The following PCDHA13 variants were observed in gnomAD, a reference collection of about 807,000 sequenced individuals.
PCDHA13 encodes the protein protocadherin alpha-13.
In PCDHA13, 54 loss-of-function variants were observed where a neutral mutation model predicts 64.8. The ratio of observed to expected loss-of-function variants is 0.83; its 90% CI spans 0.67 to 1.04. PCDHA13 has a LOEUF of 1.04. PCDHA13 is among the 50% of genes least tolerant of loss of function. The pLI is 0.00. For synonymous variants in PCDHA13, 587 were observed against 564.4 expected (o/e 1.04, Z -0.57); for missense variants, 1,248 against 1,254.3 (o/e 0.99, Z 0.08).
chr5:140,962,127 G>A (rs1198076557), intron 1 of PCDHA13, among the ~76,000 whole-genome samples: 1 of 151,934 alleles, frequency 6.6e-6, no homozygotes, highest in East Asian at 1.9e-4. Flanking sequence ...CCTTGGCCTC[G>A]GCCTCCCAAA....
At chr5:140,937,174 A>G (rs1449263512) in intron 1 of PCDHA13, among the ~76,000 whole-genome samples, 1 of 151,302 alleles carries the variant, frequency 6.6e-6, no homozygotes, top group Non-Finnish European at 1.5e-5. Flanking sequence ...AGTAGCTGGG[A>G]CTACAGGCGC....
chr5:140,938,734 AT>A (rs1207782725), intron 1 of PCDHA13, among the ~76,000 whole-genome samples: 1 of 152,136 alleles, frequency 6.6e-6, no homozygotes, highest in Admixed American at 6.5e-5. Flanking sequence ...ACAGAAAAAA[AT>A]AATTATTTTT....
Position 140,969,579 on chromosome 5 carries a change from G to A in PCDHA13, c.2395-9370G>A, listed in dbSNP as rs373969836. Reference sequence around the variant, plus strand: ...TCCATAAAATTGTTTGAGAAGTGAGGATTAGTCTTAATATTTAATGCTAAA... The same window carrying A: ...TCCATAAAATTGTTTGAGAAGTGAGAATTAGTCTTAATATTTAATGCTAAA... On this transcript the variant is annotated intron_variant, in intron 1 of 3. Coordinates refer to ENST00000289272, the MANE Select transcript of PCDHA13 (RefSeq NM_018904.3). 1,666 of 951,704 alleles carry A rather than the reference G, an allele frequency of 1.8e-3. 9 individuals carry two copies. The Middle Eastern group carries it at 0.019, about 11-fold the overall frequency. 59.0% of individuals were successfully genotyped at this position (951,704 alleles called of 1,614,324 possible). A position where few individuals can be genotyped will look rare whatever the true frequency, so the allele number is the denominator to read the frequency against.
intron 1 of PCDHA13, among the ~76,000 whole-genome samples, chr5:140,948,015 C>CCTTTT (rs71276332): frequency 0.56 from 84,575 of 150,344 alleles, 24,313 homozygotes; most frequent in African/African-American, 0.69. Context: ...TAGGAAGTAC[C>CCTTTT]CTTTCTGGTT....
At chr5:140,896,823 T>C (rs1248229696) in intron 1 of PCDHA13, among the ~76,000 whole-genome samples, 1 of 152,230 alleles carries the variant, frequency 6.6e-6, no homozygotes, top group Non-Finnish European at 1.5e-5. Context: ...ACTCTGTTCA[T>C]AGTTGTTTTT....
intron 3 of PCDHA13, among the ~76,000 whole-genome samples, chr5:140,988,690 C>T (rs1286168942): frequency 2.6e-5 from 4 of 152,148 alleles, no homozygotes; most frequent in South Asian, 2.1e-4. Flanking sequence ...TTTCCCTAGA[C>T]GCTCTGTATT....
At chr5:140,968,141 A>G in intron 1 of PCDHA13, 1 of 1,614,110 alleles carries the variant, frequency 6.2e-7, no homozygotes, top group Non-Finnish European at 8.5e-7. Context: ...GAAGGTTGAG[A>G]TCTCTGACAT....
intron 1 of PCDHA13, among the ~76,000 whole-genome samples, chr5:140,913,412 T>G (rs2076324998): frequency 6.6e-6 from 1 of 152,222 alleles, no homozygotes; most frequent in African/African-American, 2.4e-5. Context: ...TTTGAATTCC[T>G]GCAGTATCAG....
At chr5:140,965,607 T>C (rs2095916367) in intron 1 of PCDHA13, among the ~76,000 whole-genome samples, 1 of 152,088 alleles carries the variant, frequency 6.6e-6, no homozygotes, top group Non-Finnish European at 1.5e-5. Flanking sequence ...CTTGAAGACA[T>C]TGTCATCCAT....
At chr5:140,930,184 G>A (rs2153603505) in intron 1 of PCDHA13, 1 of 152,258 alleles carries the variant, frequency 6.6e-6, no homozygotes, top group South Asian at 2.1e-4. Context: ...GGAAAGATGA[G>A]TAATTTTTAT....
chr5:140,992,369 A>G (rs1554252849), intron 3 of PCDHA13, among the ~76,000 whole-genome samples: 1 of 152,188 alleles, frequency 6.6e-6, no homozygotes, highest in Non-Finnish European at 1.5e-5. Context: ...AATGGTTCCC[A>G]TTACATTATT....
Position 140,882,382 on chromosome 5 carries a change from A to G in PCDHA13, c.114A>G (p.Glu38=), listed in dbSNP as rs782774831. 5 of 1,614,092 alleles carry G rather than the reference A, an allele frequency of 3.1e-6. No homozygotes were observed. The highest frequency in any genetic ancestry group is 4.2e-6 in the Non-Finnish European group (5 of 1,180,050). ...AGCTCCACTACTCCGTCCCCGAGGA[A>G]GCAAAACACGGCACCTTCGTGGGCC... The part of the protein sequence containing the change: ...SGQLHYSVPE[E]AKHGTFVGRI... Residue 38 remains glutamate (E), a synonymous_variant, in exon 1 of 4, where the codon GAA becomes GAG. Transcript: ENST00000289272.
rs1582611912 is a variant in PCDHA13 at position 140,882,364 on chromosome 5, C to G, written c.96C>G (p.His32Gln). Residue 32 changes from histidine to glutamine, a missense_variant, in exon 1 of 4, where the codon CAC (histidine) becomes CAG (glutamine). Physicochemically the swap from His to Gln is conservative, Grantham distance 24. Transcript: ENST00000289272. ...GGGAGACGGGTAGTGGCCAGCTCCA[C>G]TACTCCGTCCCCGAGGAAGCAAAAC... is the stretch of plus-strand genomic sequence containing the variant. ...AAWETGSGQL[H>Q]YSVPEEAKHG... 13 of 1,614,244 alleles carry G rather than the reference C, an allele frequency of 8.1e-6. No homozygotes were observed. Among genetic ancestry groups the G allele is most frequent in the Non-Finnish European group, 1.1e-5 (13 of 1,180,060 alleles).
intron 1 of PCDHA13, among the ~76,000 whole-genome samples, chr5:140,901,194 T>A (rs562699930): frequency 2.7e-4 from 41 of 152,236 alleles, no homozygotes; most frequent in Non-Finnish European, 5.1e-4. Flanking sequence ...TGCTTTTCTG[T>A]GCAGAAGGTT....
At chr5:140,906,914 GC>G (rs2073038837) in intron 1 of PCDHA13, among the ~76,000 whole-genome samples, 1 of 152,182 alleles carries the variant, frequency 6.6e-6, no homozygotes, top group Admixed American at 6.5e-5. Context: ...GGTAGGAGGA[GC>G]CCAAAAAGTG....
At chr5:140,895,875 G>A (rs1277056649) in intron 1 of PCDHA13, among the ~76,000 whole-genome samples, 5 of 152,060 alleles carry the variant, frequency 3.3e-5, no homozygotes, top group African/African-American at 7.2e-5. Context: ...GCAATGGCGC[G>A]ATCTCGGCTC....
At position 141,009,806 on chromosome 5, in the gene PCDHA13, A is replaced by G. The variant is rs781853535; in HGVS notation, c.2722A>G (p.Ile908Val). 18 of 1,614,018 alleles carry G rather than the reference A, an allele frequency of 1.1e-5. No individual in the cohort carries two copies. Among genetic ancestry groups the G allele is most frequent in the Non-Finnish European group, 1.5e-5 (18 of 1,180,028 alleles). ...SIRQEPTNSQ[I>V]DKSDFITFGK... is the part of the protein sequence containing the mutation. ...CCGGCAGGAGCCTACTAACAGCCAA[A>G]TTGACAAAAGTGACTTCATAACCTT... The change falls in exon 4 of 4, where the codon ATT becomes GTT. Residue 908 changes from isoleucine (I) to valine (V), a missense_variant. Physicochemically the swap from Ile to Val is conservative, Grantham distance 29 (BLOSUM62 3). Coordinates refer to ENST00000289272, the MANE Select transcript of PCDHA13 (RefSeq NM_018904.3).
At chr5:140,957,398 T>A (rs1162675184) in intron 1 of PCDHA13, among the ~76,000 whole-genome samples, 1 of 152,186 alleles carries the variant, frequency 6.6e-6, no homozygotes, top group Non-Finnish European at 1.5e-5. Flanking sequence ...ATTGTCCTAA[T>A]TTATTATTAT....
At chr5:140,938,125 A>G (rs1339364898) in intron 1 of PCDHA13, among the ~76,000 whole-genome samples, 1 of 152,120 alleles carries the variant, frequency 6.6e-6, no homozygotes, top group Admixed American at 6.5e-5. Context: ...TTTTTTAAAA[A>G]AATAGAGATA....
Sources: gnomAD v4.1 joint callset for allele counts (sites outside exome capture counted in the v4.1 genomes callset) on GRCh38, gnomAD v4.1.1 for gene constraint, MANE v1.5 for transcripts, NCBI Gene and HGNC (gene_info 2026-07-23, HGNC 2026-07-21) for gene names.